FNIP1: variants seen among roughly 807,000 people sequenced by gnomAD.
FNIP1 encodes the protein folliculin-interacting protein 1.
In FNIP1, 40 loss-of-function variants were observed where a neutral mutation model predicts 124.5. That is an observed-to-expected ratio of 0.32 (90% CI 0.25 to 0.42). The LOEUF is 0.42. Among genes scored for constraint, FNIP1 ranks in the 10% least tolerant of loss-of-function variants. The pLI is 1.00. For synonymous variants in FNIP1, 472 were observed against 470.6 expected, an observed-to-expected ratio of 1.00 and a Z score of -0.04; for missense variants, 1,176 against 1,403.7, an observed-to-expected ratio of 0.84 and a Z score of 2.59.
intron 16 of FNIP1, among the ~76,000 whole-genome samples, chr5:131,650,541 C>T (rs552391912): frequency 3.3e-5 from 5 of 152,104 alleles, no homozygotes; most frequent in African/African-American, 9.7e-5. Context: ...TTTCTATGTA[C>T]GAGAAGATCA....
intron 1 of FNIP1, among the ~76,000 whole-genome samples, chr5:131,777,955 T>C (rs919683870): frequency 2.6e-5 from 4 of 152,168 alleles, no homozygotes; most frequent in Non-Finnish European, 5.9e-5. Flanking sequence ...GCTAAAACCA[T>C]GAGGTGAATG....
chr5:131,795,502 T>G (rs1374218365), intron 1 of FNIP1: 1 of 152,204 alleles, frequency 6.6e-6, no homozygotes. Flanking sequence ...CGGAACCTGT[T>G]TCCTATTGTC....
rs1337801636 is a variant in FNIP1, at chr5:131,643,461, A to G, written c.*1224T>C. 2 of 152,796 alleles carry G rather than the reference A, an allele frequency of 1.3e-5. No individual in the cohort carries two copies. Among genetic ancestry groups the G allele is most frequent in the Admixed American group, 6.5e-5 (1 of 15,282 alleles). The allele number at this position is 152,796 out of a possible 1,614,324, so 9.5% of individuals were successfully genotyped here. On this transcript the variant is annotated 3_prime_UTR_variant, in exon 18 of 18. Transcript: ENST00000510461. Reference sequence around the variant, plus strand: ...AGAATAAACTATAATGTAGTACTCAAGTAAACTGAGGTAGTAGAAAGTATT... The same window carrying G: ...AGAATAAACTATAATGTAGTACTCAGGTAAACTGAGGTAGTAGAAAGTATT...
intron 11 of FNIP1, among the ~76,000 whole-genome samples, chr5:131,682,658 A>G (rs1186952744): frequency 1.3e-5 from 2 of 152,038 alleles, no homozygotes; most frequent in African/African-American, 2.4e-5. Context: ...CAGAGGTCAC[A>G]GTGAGCTGAG....
intron 12 of FNIP1, 103 bp from the exon 13 acceptor site, chr5:131,677,975 C>A: frequency 3.8e-6 from 4 of 1,040,976 alleles, no homozygotes; most frequent in South Asian, 1.9e-5. Flanking sequence ...GTTCATGTGG[C>A]CAAATGGCAC....
At chr5:131,697,786 TG>T (rs1768751676) in intron 11 of FNIP1, among the ~76,000 whole-genome samples, 1 of 151,138 alleles carries the variant, frequency 6.6e-6, no homozygotes, top group Non-Finnish European at 1.5e-5. Flanking sequence ...GCCAACATGG[TG>T]AAACCCCGTC....
At chr5:131,674,222 G>A (rs1767848210) in intron 13 of FNIP1, among the ~76,000 whole-genome samples, 1 of 152,106 alleles carries the variant, frequency 6.6e-6, no homozygotes, top group South Asian at 2.1e-4. Flanking sequence ...AGGGCAGGAA[G>A]AGAGAGACTC....
At chr5:131,742,449 C>T (rs1036438641) in intron 2 of FNIP1, among the ~76,000 whole-genome samples, 14 of 152,078 alleles carry the variant, frequency 9.2e-5, no homozygotes, top group Non-Finnish European at 1.9e-4. Context: ...GGCGAGAGAG[C>T]GAGACCCTGT....
At chr5:131,692,055 G>A (rs1768498319) in intron 11 of FNIP1, among the ~76,000 whole-genome samples, 1 of 151,868 alleles carries the variant, frequency 6.6e-6, no homozygotes, top group South Asian at 2.1e-4. Flanking sequence ...GGGAAGGAAG[G>A]AAAGAAGGAA....
intron 1 of FNIP1, among the ~76,000 whole-genome samples, chr5:131,789,522 A>T (rs148907578): frequency 1.3e-5 from 2 of 152,292 alleles, no homozygotes; most frequent in East Asian, 3.9e-4. Context: ...ATAGAAAGTT[A>T]AGTAGTGGGG....
rs968468567 is a variant in FNIP1 at position 131,692,316 on chromosome 5, A to AC, written c.1202+6600dup. ...ATTTACATTAGGTTCCCTCCCCCTGACCCCCCCAAAAAACATGTATAAATC... is the reference window on the plus strand; with the variant it reads ...ATTTACATTAGGTTCCCTCCCCCTGACCCCCCCCAAAAAACATGTATAAATC... On this transcript the variant is annotated intron_variant, in intron 11 of 17. Transcript: ENST00000510461. 2.1e-4 allele frequency among the ~76,000 whole-genome samples: 31 copies of AC among 150,622 alleles called. No homozygotes were observed. The South Asian group carries it at 2.3e-3, about 11-fold the overall frequency.
At chr5:131,697,668 G>A (rs1227620117) in intron 11 of FNIP1, among the ~76,000 whole-genome samples, 3 of 151,716 alleles carry the variant, frequency 2.0e-5, no homozygotes, top group Non-Finnish European at 4.4e-5. Context: ...CACTGCTGTA[G>A]GTTATGTTTA....
chr5:131,651,680 C>T, intron 16 of FNIP1, 122 bp downstream of exon 16: 1 of 857,816 alleles, frequency 1.2e-6, no homozygotes, highest in East Asian at 2.7e-5. Flanking sequence ...ATTAGGGCTT[C>T]AATATATGAG....
intron 1 of FNIP1, among the ~76,000 whole-genome samples, chr5:131,773,613 A>T (rs1771713237): frequency 6.6e-6 from 1 of 152,230 alleles, no homozygotes; most frequent in Non-Finnish European, 1.5e-5. Context: ...TACCTAGAAA[A>T]ATGTGTTTAT....
At chr5:131,644,834 CCACCAA>C (rs1766821049) in intron 17 of FNIP1, 71 bp from the exon 18 acceptor site, 4 of 1,448,318 alleles carry the variant, frequency 2.8e-6, no homozygotes, top group Non-Finnish European at 3.9e-6. Flanking sequence ...CAGGCAATGA[CCACCAA>C]CTGTAAGGTC....
intron 15 of FNIP1, among the ~76,000 whole-genome samples, chr5:131,664,498 T>A (rs985937042): frequency 1.3e-5 from 2 of 152,014 alleles, no homozygotes; most frequent in Non-Finnish European, 2.9e-5. Flanking sequence ...TAGCCAGGCA[T>A]GCTGGCATGT....
At chr5:131,750,512 G>T (rs138439259) in intron 1 of FNIP1, among the ~76,000 whole-genome samples, 1 of 151,990 alleles carries the variant, frequency 6.6e-6, no homozygotes, top group Admixed American at 6.6e-5. Context: ...GCTAAGCAAA[G>T]AAATAAATTA....
chr5:131,693,927 A>G (rs1768602529), intron 11 of FNIP1, among the ~76,000 whole-genome samples: 1 of 152,172 alleles, frequency 6.6e-6, no homozygotes, highest in African/African-American at 2.4e-5. Context: ...CCAAACAGAC[A>G]CTTCACCGAA....
intron 1 of FNIP1, among the ~76,000 whole-genome samples, chr5:131,755,924 G>A (rs1341597662): frequency 1.3e-5 from 2 of 151,376 alleles, no homozygotes; most frequent in African/African-American, 2.4e-5. Flanking sequence ...AAGGAGAATC[G>A]CTTGAACCTG....
Sources: gnomAD v4.1 joint callset for allele counts (sites outside exome capture counted in the v4.1 genomes callset) on GRCh38, gnomAD v4.1.1 for gene constraint, MANE v1.5 for transcripts, NCBI Gene and HGNC (gene_info 2026-07-23, HGNC 2026-07-21) for gene names.